The following KCNN3 variants were observed in gnomAD, a reference collection of about 807,000 sequenced individuals.
KCNN3 encodes the protein potassium calcium-activated channel subfamily N member 3, also known as small conductance calcium-activated potassium channel protein 3.
A neutral mutation model predicts 62.9 loss-of-function variants in KCNN3; 16 were observed. That is an observed-to-expected ratio of 0.25 (90% CI 0.17 to 0.39). The LOEUF is 0.39. Among genes scored for constraint, KCNN3 ranks in the 10% least tolerant of loss-of-function variants. KCNN3 has a pLI of 1.00. For synonymous variants in KCNN3, 370 were observed against 389.2 expected (o/e 0.95, Z 0.58); for missense variants, 599 against 949.4 (o/e 0.63, Z 4.85).
At chr1:154,737,217 G>C in intron 3 of KCNN3, 2 of 228,900 alleles carry the variant, frequency 8.7e-6, no homozygotes, top group Non-Finnish European at 1.8e-5. Flanking sequence ...GGGGGGGGGG[G>C]ATAGCTCCAT....
At chr1:154,773,546 A>G (rs1648662681) in intron 2 of KCNN3, among the ~76,000 whole-genome samples, 1 of 152,196 alleles carries the variant, frequency 6.6e-6, no homozygotes, top group Non-Finnish European at 1.5e-5. Context: ...TGAGCCCTCA[A>G]CCTGTGGGAG....
chr1:154,859,933 T>C (rs1652696761), intron 1 of KCNN3: 4 of 1,030,930 alleles, frequency 3.9e-6, no homozygotes, highest in Non-Finnish European at 5.6e-6. Flanking sequence ...TGCATATTAT[T>C]TCACACATCA....
intron 2 of KCNN3, among the ~76,000 whole-genome samples, chr1:154,785,409 C>A (rs1649234369): frequency 6.6e-6 from 1 of 152,040 alleles, no homozygotes; most frequent in Non-Finnish European, 1.5e-5. Flanking sequence ...TTTTCCCCAA[C>A]TGACTAAAAG....
At position 154,869,240 on chromosome 1, in the gene KCNN3, T is replaced by C. The variant is rs1300219992; in HGVS notation, c.725A>G (p.Asn242Ser). 1 of 1,612,024 alleles carries C rather than the reference T, an allele frequency of 6.2e-7. No individual in the cohort carries two copies. Among genetic ancestry groups the C allele is most frequent in the Non-Finnish European group, 8.5e-7 (1 of 1,179,334 alleles). ...GGCGGTGGTGCCGGCATGCTGGTGG[T>C]TGTGGGTGGCATTAGGGTGATGGAG... ...TLLHHPNATH[N>S]HQHAGTTASS... Residue 242 changes from asparagine (N) to serine (S), a missense_variant, in exon 1 of 8, where the codon AAC becomes AGC. Asn to Ser is a conservative substitution (Grantham distance 46). Coordinates refer to ENST00000271915, the MANE Select transcript of KCNN3 (RefSeq NM_002249.6). This position sits in a 1 kb window ranked among gnomAD's most constrained non-coding sequence, Gnocchi z 6.1.
intron 3 of KCNN3, among the ~76,000 whole-genome samples, chr1:154,757,814 G>T (rs1051614716): frequency 1.3e-5 from 2 of 152,206 alleles, no homozygotes; most frequent in Non-Finnish European, 2.9e-5. Flanking sequence ...CTGGGTTGGA[G>T]CAGAGAAGAT....
chr1:154,768,537 C>T (rs145562948), intron 3 of KCNN3, among the ~76,000 whole-genome samples: 139 of 152,252 alleles, frequency 9.1e-4, no homozygotes, highest in African/African-American at 3.2e-3. Flanking sequence ...AGGCCTTAGG[C>T]GATCCCTCAG....
intron 2 of KCNN3, among the ~76,000 whole-genome samples, chr1:154,817,988 G>C (rs988224351): frequency 3.3e-5 from 5 of 152,242 alleles, no homozygotes; most frequent in African/African-American, 1.2e-4. Context: ...GCCTGGGGAG[G>C]GGATTAGCAC....
intron 1 of KCNN3, among the ~76,000 whole-genome samples, chr1:154,868,759 A>C (rs1341152671): frequency 1.3e-5 from 2 of 151,826 alleles, no homozygotes; most frequent in Non-Finnish European, 2.9e-5. Flanking sequence ...GATGTCCCCT[A>C]CCCCCCAGAG....
intron 4 of KCNN3, among the ~76,000 whole-genome samples, chr1:154,732,171 G>A (rs1369133217): frequency 1.3e-5 from 2 of 152,252 alleles, no homozygotes; most frequent in Admixed American, 1.3e-4. Context: ...CCTGGAGGAT[G>A]CTCAGGTCCA....
chr1:154,706,752 C>A lies in KCNN3; in HGVS notation c.*1224G>T, dbSNP rs1211483062. The A allele has an allele frequency of 6.6e-6, 1 of 152,204 alleles. No individual in the cohort carries two copies. The highest frequency in any genetic ancestry group is 1.5e-5 in the Non-Finnish European group (1 of 68,044). The allele number at this position is 152,204 out of a possible 1,614,324, so 9.4% of individuals were successfully genotyped here. A position where few individuals can be genotyped will look rare whatever the true frequency, so the allele number is the denominator to read the frequency against. On this transcript the variant is annotated 3_prime_UTR_variant, in exon 8 of 8. Coordinates refer to ENST00000271915, the MANE Select transcript of KCNN3 (RefSeq NM_002249.6). The stretch of plus-strand genomic sequence containing the variant: ...TAGGCCACTCTTCATCACTTCTCCT[C>A]CTAGCTCAGAGGCTCACAATTGAGG...
At chr1:154,847,416 G>A (rs548196490) in intron 1 of KCNN3, among the ~76,000 whole-genome samples, 152 of 152,314 alleles carry the variant, frequency 1.0e-3, no homozygotes, top group Middle Eastern at 3.4e-3. Flanking sequence ...CGAGGACCAC[G>A]GGGAGTCACC....
intron 2 of KCNN3, among the ~76,000 whole-genome samples, chr1:154,818,219 G>T (rs1650745623): frequency 6.6e-6 from 1 of 152,194 alleles, no homozygotes. Context: ...GGAGAGATGG[G>T]GTGGGGTGCC....
chr1:154,729,647 G>C (rs1177913699), intron 4 of KCNN3, among the ~76,000 whole-genome samples: 1 of 152,184 alleles, frequency 6.6e-6, no homozygotes, highest in Non-Finnish European at 1.5e-5. Context: ...AAATGGAGGA[G>C]GGAAGCCTGG....
At chr1:154,714,127 T>TG (rs1700143925) in intron 6 of KCNN3, among the ~76,000 whole-genome samples, 2 of 4,968 alleles carry the variant, frequency 4.0e-4, no homozygotes, top group East Asian at 6.3e-3. Context: ...TGTGTGTGGG[T>TG]TGTGTGTGTG....
chr1:154,733,164 A>G lies in KCNN3; in HGVS notation c.1449-20T>C. 1.2e-6 allele frequency: 2 copies of G among 1,614,052 alleles called. No individual in the cohort carries two copies. Among genetic ancestry groups the G allele is most frequent in the Non-Finnish European group, 1.7e-6 (2 of 1,179,928 alleles). On this transcript the variant is annotated intron_variant, in intron 3 of 7. Transcript: ENST00000271915. ...TGGTACCTGCCAATGGGAAGACAGG[A>G]GTTAGTCGATGAACAGCCATTCCTG... is the stretch of plus-strand genomic sequence containing the variant.
At chr1:154,829,634 G>A (rs142385190) in intron 1 of KCNN3, among the ~76,000 whole-genome samples, 202 of 152,278 alleles carry the variant, frequency 1.3e-3, no homozygotes, top group Non-Finnish European at 2.2e-3. Context: ...CAGCTGACCC[G>A]CATCAGGATG....
At chr1:154,850,918 T>TC (rs1404169029) in intron 1 of KCNN3, among the ~76,000 whole-genome samples, 4 of 152,144 alleles carry the variant, frequency 2.6e-5, no homozygotes, top group Non-Finnish European at 5.9e-5. Context: ...CCAGTGACCT[T>TC]CAGGGAGTCA....
chr1:154,782,088 A>G (rs1649077342), intron 2 of KCNN3, among the ~76,000 whole-genome samples: 1 of 152,172 alleles, frequency 6.6e-6, no homozygotes. Flanking sequence ...TGGAGAGATA[A>G]AAGAAAGAAG....
chr1:154,758,704 C>T (rs934736903), intron 3 of KCNN3, among the ~76,000 whole-genome samples: 2 of 152,166 alleles, frequency 1.3e-5, no homozygotes, highest in African/African-American at 2.4e-5. Context: ...CATGTCTCAC[C>T]CATATTCCCT....
Sources: gnomAD v4.1 joint callset for allele counts (sites outside exome capture counted in the v4.1 genomes callset) on GRCh38, gnomAD v4.1.1 for gene constraint, Gnocchi (gnomAD v3.1) non-coding constraint, MANE v1.5 for transcripts, NCBI Gene and HGNC (gene_info 2026-07-23, HGNC 2026-07-21) for gene names.